ARHGAP18: variants seen among roughly 807,000 people sequenced by gnomAD.
The protein encoded by ARHGAP18 is rho GTPase-activating protein 18.
Under a neutral mutation model 86.2 loss-of-function variants are expected in ARHGAP18, and 67 were observed. The observed-to-expected ratio is 0.78, with a 90% confidence interval of 0.64 to 0.95. The LOEUF (loss-of-function observed/expected upper bound fraction) is 0.95, where lower values mean the gene tolerates loss of function less well. Ranked by LOEUF, ARHGAP18 falls within the 40% of genes least tolerant of loss-of-function variation. ARHGAP18 has a pLI of 0.00. For missense variants in ARHGAP18, 691 were observed against 780.4 expected (o/e 0.89, Z 1.37); for synonymous variants, 283 against 280.4 (o/e 1.01, Z -0.09).
At chr6:129,692,506 G>C (rs1241445822) in intron 1 of ARHGAP18, among the ~76,000 whole-genome samples, 1 of 152,168 alleles carries the variant, frequency 6.6e-6, no homozygotes, top group Non-Finnish European at 1.5e-5. Flanking sequence ...AATTTTAGGG[G>C]ATAAATATGA....
At chr6:129,663,835 G>C (rs1773994418) in intron 1 of ARHGAP18, among the ~76,000 whole-genome samples, 1 of 152,228 alleles carries the variant, frequency 6.6e-6, no homozygotes. Context: ...AATCTCCTTT[G>C]GAAAGAGCTG....
rs188441631 is a variant in ARHGAP18, at chr6:129,590,693, T to G, written c.1714-6581A>C. Among the ~76,000 whole-genome samples the G allele has an allele frequency of 4.2e-4, 64 of 152,302 alleles. No individual in the cohort carries two copies. In the South Asian group the frequency reaches 0.011, roughly 27 times the overall value. On this transcript the variant is annotated intron_variant, in intron 12 of 14. Coordinates refer to ENST00000368149, the MANE Select transcript of ARHGAP18 (RefSeq NM_033515.3). ...CAAAGAGCTGGAATATCAATATCCTTGGAAAGCATTTCATTAAACCAACAA... is the reference window on the plus strand; with the variant it reads ...CAAAGAGCTGGAATATCAATATCCTGGGAAAGCATTTCATTAAACCAACAA...
At chr6:129,668,685 C>T (rs748508994) in intron 1 of ARHGAP18, among the ~76,000 whole-genome samples, 1 of 152,156 alleles carries the variant, frequency 6.6e-6, no homozygotes, top group Non-Finnish European at 1.5e-5. Context: ...CTTGCCTGTA[C>T]CGTCCCCTTC....
chr6:129,634,216 T>A, intron 3 of ARHGAP18, 111 bp from the exon 4 acceptor site: 2 of 853,618 alleles, frequency 2.3e-6, no homozygotes, highest in Non-Finnish European at 3.6e-6. Flanking sequence ...TACTCAGAAT[T>A]ATAACAATCA....
chr6:129,639,388 C>T (rs926518168), intron 2 of ARHGAP18, among the ~76,000 whole-genome samples: 8 of 152,208 alleles, frequency 5.3e-5, no homozygotes, highest in Admixed American at 3.3e-4. Context: ...AAAATAAAAG[C>T]GATGAATTGG....
At chr6:129,656,968 A>T (rs969764333) in intron 1 of ARHGAP18, among the ~76,000 whole-genome samples, 106 of 152,362 alleles carry the variant, frequency 7.0e-4, no homozygotes, top group African/African-American at 2.3e-3. Context: ...AATGTCTTAT[A>T]AATACAACCT....
chr6:129,698,264 A>C (rs1216147964), intron 1 of ARHGAP18, among the ~76,000 whole-genome samples: 1 of 152,234 alleles, frequency 6.6e-6, no homozygotes, highest in East Asian at 1.9e-4. Context: ...TTTTCAAAAA[A>C]TAATTTAAAA....
At chr6:129,678,819 A>C (rs957761881) in intron 1 of ARHGAP18, among the ~76,000 whole-genome samples, 1 of 152,174 alleles carries the variant, frequency 6.6e-6, no homozygotes, top group Non-Finnish European at 1.5e-5. Context: ...AAGTGCTTAA[A>C]TTTTTCAAAA....
At chr6:129,607,006 C>T (rs543698087) in intron 9 of ARHGAP18, among the ~76,000 whole-genome samples, 11 of 151,850 alleles carry the variant, frequency 7.2e-5, no homozygotes, top group South Asian at 2.1e-4. Context: ...ATCACAGGTG[C>T]GCACCACTAT....
intron 1 of ARHGAP18, among the ~76,000 whole-genome samples, chr6:129,649,690 C>T (rs1176592398): frequency 1.3e-5 from 2 of 150,640 alleles, no homozygotes; most frequent in East Asian, 1.9e-4. Context: ...AAAAAAAATC[C>T]TCAGCAGAAC....
intron 1 of ARHGAP18, among the ~76,000 whole-genome samples, chr6:129,689,634 T>C (rs978061749): frequency 6.6e-6 from 1 of 152,152 alleles, no homozygotes; most frequent in African/African-American, 2.4e-5. Context: ...ATTTGAAAAC[T>C]TCACCAGAGT....
At position 129,629,371 on chromosome 6, in the gene ARHGAP18, G is replaced by A. The variant is rs770616889; in HGVS notation, c.768C>T (p.Gly256=). ...TACGTACAGGTAATGTGGCATCATC[G>A]CCTTTGCTCTTCTGGATTTTCTCCT... is the stretch of plus-strand genomic sequence containing the variant. ...SSKEKIQKSK[G]DDATLPSFRL... is the part of the protein sequence containing the mutation. Residue 256 remains glycine (G), a synonymous_variant, in exon 5 of 15, where the codon GGC becomes GGT. Transcript: ENST00000368149. 1.5e-5 allele frequency: 24 copies of A among 1,613,302 alleles called. No individual in the cohort carries two copies. Among genetic ancestry groups the A allele is most frequent in the East Asian group, 8.9e-5 (4 of 44,874 alleles).
intron 2 of ARHGAP18, among the ~76,000 whole-genome samples, chr6:129,640,042 C>T (rs1174213356): frequency 4.1e-5 from 3 of 72,892 alleles, no homozygotes; most frequent in Non-Finnish European, 7.4e-5. Context: ...GAGACTGTCT[C>T]AAAAAAAAAA....
chr6:129,685,711 C>T (rs17466933), intron 1 of ARHGAP18, among the ~76,000 whole-genome samples: 4,124 of 152,116 alleles, frequency 0.027, 109 homozygotes, highest in Non-Finnish European at 0.038. Flanking sequence ...TCACGGTGAT[C>T]ACTTGATAGT....
chr6:129,588,157 AC>A (rs1186598380), intron 12 of ARHGAP18, among the ~76,000 whole-genome samples: 2 of 140,682 alleles, frequency 1.4e-5, no homozygotes, highest in African/African-American at 5.6e-5. Context: ...TTGCTTTTTC[AC>A]CCAGGCTGGA....
At chr6:129,664,156 C>T (rs1247145427) in intron 1 of ARHGAP18, among the ~76,000 whole-genome samples, 1 of 152,174 alleles carries the variant, frequency 6.6e-6, no homozygotes, top group Non-Finnish European at 1.5e-5. Context: ...ATTAAAATGG[C>T]ATGACTCATT....
chr6:129,656,512 G>A lies in ARHGAP18; in HGVS notation c.114-14494C>T, dbSNP rs146202864. Among the ~76,000 whole-genome samples, 174 of 152,124 alleles carry A rather than the reference G, an allele frequency of 1.1e-3. 6 individuals carry two copies. The East Asian group carries it at 0.017, about 15-fold the overall frequency. On this transcript the variant is annotated intron_variant, in intron 1 of 14. Transcript: ENST00000368149. ...AAAAGTTAGCTGGGCATGGTGGTAC[G>A]CGCCTATAATCCCAGCTACTTGGGA...
chr6:129,706,189 G>GT (rs1376176411), intron 1 of ARHGAP18, among the ~76,000 whole-genome samples: 1 of 152,144 alleles, frequency 6.6e-6, no homozygotes, highest in Non-Finnish European at 1.5e-5. Context: ...AGAGAGAACA[G>GT]TAAGAATAGA....
chr6:129,600,829 T>C lies in ARHGAP18; in HGVS notation c.1385A>G (p.Gln462Arg), dbSNP rs1418018226. The change falls in exon 11 of 15, where the codon CAA becomes CGA. Residue 462 changes from glutamine (Q) to arginine (R), a missense_variant. Coordinates refer to ENST00000368149, the MANE Select transcript of ARHGAP18 (RefSeq NM_033515.3). ...TTTTTCTTTATTATCTATTACTCTT[T>C]GGAGAAATTCAAGAAGGGCCTGAAA... ...DTLKALLEFL[Q>R]RVIDNKEKNK... 6.2e-7 allele frequency: 1 copy of C among 1,611,842 alleles called. No homozygotes were observed. The highest frequency in any genetic ancestry group is 8.5e-7 in the Non-Finnish European group (1 of 1,179,150).
Sources: gnomAD v4.1 joint callset for allele counts (sites outside exome capture counted in the v4.1 genomes callset) on GRCh38, gnomAD v4.1.1 for gene constraint, MANE v1.5 for transcripts, NCBI Gene and HGNC (gene_info 2026-07-23, HGNC 2026-07-21) for gene names.